FRAS1: variants seen among roughly 807,000 people sequenced by gnomAD.
The protein encoded by FRAS1 is extracellular matrix organizing protein FRAS1.
A neutral mutation model predicts 435.2 loss-of-function variants in FRAS1; 290 were observed. The observed-to-expected ratio is 0.67, with a 90% CI of 0.61 to 0.73. The LOEUF is 0.73. Among genes scored for constraint, FRAS1 ranks in the 30% least tolerant of loss-of-function variants. The pLI is 0.00. For missense variants in FRAS1, 4,860 were observed against 5,001.5 expected, an observed-to-expected ratio of 0.97 and a Z score of 0.85; for synonymous variants, 1,800 against 1,851.0, an observed-to-expected ratio of 0.97 and a Z score of 0.71.
At chr4:78,271,424 A>G (rs1227112508) in intron 9 of FRAS1, among the ~76,000 whole-genome samples, 1 of 152,170 alleles carries the variant, frequency 6.6e-6, no homozygotes, top group Non-Finnish European at 1.5e-5. Flanking sequence ...TTAACTCGTC[A>G]TTTAGCATTA....
At chr4:78,287,888 A>G (rs1049328161) in intron 14 of FRAS1, among the ~76,000 whole-genome samples, 9 of 152,166 alleles carry the variant, frequency 5.9e-5, no homozygotes, top group African/African-American at 1.9e-4. Context: ...GTGATCAGCC[A>G]TGTTATAGAA....
intron 40 of FRAS1, among the ~76,000 whole-genome samples, chr4:78,439,466 T>C (rs1734567207): frequency 6.6e-6 from 1 of 152,202 alleles, no homozygotes. Flanking sequence ...TATTGACGGT[T>C]CCTTTGTGGG....
intron 14 of FRAS1, among the ~76,000 whole-genome samples, chr4:78,304,784 C>G (rs575173475): frequency 5.3e-4 from 80 of 151,792 alleles, no homozygotes; most frequent in Non-Finnish European, 1.0e-3. Context: ...AGTGGTCTAT[C>G]AATTTTGTTG....
intron 70 of FRAS1, among the ~76,000 whole-genome samples, chr4:78,530,863 T>A (rs1452857442): frequency 6.6e-6 from 1 of 152,206 alleles, no homozygotes; most frequent in Non-Finnish European, 1.5e-5. Flanking sequence ...TAGTTTTTTC[T>A]AATTCTGTGA....
chr4:78,242,560 C>G (rs1298441236), intron 3 of FRAS1, among the ~76,000 whole-genome samples: 1 of 152,214 alleles, frequency 6.6e-6, no homozygotes, highest in African/African-American at 2.4e-5. Context: ...CTCAGCCTCC[C>G]AAGTAGCTGG....
At chr4:78,537,608 T>C (rs56874454) in intron 72 of FRAS1, among the ~76,000 whole-genome samples, 23,478 of 152,180 alleles carry the variant, frequency 0.15, 2,040 homozygotes, top group Non-Finnish European at 0.21. Flanking sequence ...CACATTGTAA[T>C]GAATCTTTAA....
intron 19 of FRAS1, among the ~76,000 whole-genome samples, chr4:78,333,625 C>A (rs894302049): frequency 6.6e-6 from 1 of 152,220 alleles, no homozygotes; most frequent in Non-Finnish European, 1.5e-5. Flanking sequence ...ACATTAGAAT[C>A]AGCTTTACCC....
intron 66 of FRAS1, among the ~76,000 whole-genome samples, chr4:78,517,894 C>G (rs1721258575): frequency 6.6e-6 from 1 of 152,000 alleles, no homozygotes. Context: ...TTAGCAAAAC[C>G]TGTGTATAAG....
intron 4 of FRAS1, among the ~76,000 whole-genome samples, chr4:78,247,284 G>C (rs1156490916): frequency 6.6e-6 from 1 of 152,130 alleles, no homozygotes; most frequent in Non-Finnish European, 1.5e-5. Flanking sequence ...ATATACCCAT[G>C]TGTTGCTTTT....
chr4:78,174,678 G>A (rs1184043821), intron 2 of FRAS1, among the ~76,000 whole-genome samples: 1 of 152,148 alleles, frequency 6.6e-6, no homozygotes, highest in Non-Finnish European at 1.5e-5. Flanking sequence ...AAAGTCACCT[G>A]GAATATAATT....
At chr4:78,338,582 A>G (rs1169864841) in intron 20 of FRAS1, among the ~76,000 whole-genome samples, 2 of 152,216 alleles carry the variant, frequency 1.3e-5, no homozygotes, top group Non-Finnish European at 2.9e-5. Context: ...CTCCTTTATT[A>G]GCTGTTGCCT....
chr4:78,477,759 G>A (rs1719893624), intron 54 of FRAS1, 56 bp from the exon 55 acceptor site: 1 of 1,568,172 alleles, frequency 6.4e-7, no homozygotes, highest in Non-Finnish European at 8.7e-7. Flanking sequence ...CCCTGGGGAA[G>A]CAGAGCAGGG....
intron 18 of FRAS1, among the ~76,000 whole-genome samples, chr4:78,323,235 AT>A (rs1403931672): frequency 2.0e-5 from 3 of 152,242 alleles, no homozygotes; most frequent in African/African-American, 7.2e-5. Context: ...TTTGTTGCTA[AT>A]TGTAAAAGAT....
rs766338377 is a variant in FRAS1, at chr4:78,488,961, C to G, written c.8839C>G (p.Leu2947Val). 1.2e-6 allele frequency: 2 copies of G among 1,613,530 alleles called. No individual in the cohort carries two copies. Among genetic ancestry groups the G allele is most frequent in the Admixed American group, 1.7e-5 (1 of 59,928 alleles). The change falls in exon 59 of 74, where the codon CTG becomes GTG. Residue 2947 changes from leucine to valine, a missense_variant. Physicochemically the swap from Leu to Val is conservative, Grantham distance 32. Coordinates refer to ENST00000512123, the MANE Select transcript of FRAS1 (RefSeq NM_025074.7). ...TGTCCCTATCACTCGGAGCGGAGAC[C>G]TGAGCTATGAGTCATCAGTGAGGTG... Reference protein sequence around the residue: ...LHVPITRSGDLSYESSVRCYT... With the variant: ...LHVPITRSGDVSYESSVRCYT...
intron 60 of FRAS1, among the ~76,000 whole-genome samples, chr4:78,498,181 C>A (rs1720561700): frequency 6.6e-6 from 1 of 152,162 alleles, no homozygotes; most frequent in African/African-American, 2.4e-5. Flanking sequence ...AACAAACTTG[C>A]ACGTTCTGCA....
intron 15 of FRAS1, among the ~76,000 whole-genome samples, chr4:78,308,796 A>T (rs1389203570): frequency 6.6e-6 from 1 of 152,186 alleles, no homozygotes; most frequent in Non-Finnish European, 1.5e-5. Flanking sequence ...GAGGAAAAGC[A>T]TGGCTTTCGG....
intron 37 of FRAS1, 127 bp downstream of exon 37, chr4:78,430,544 T>G (rs1734174597): frequency 6.1e-6 from 6 of 977,568 alleles, no homozygotes. Context: ...AGCTATTTTG[T>G]GTGTAGTTTC....
chr4:78,158,986 T>C (rs1423374804), intron 2 of FRAS1, among the ~76,000 whole-genome samples: 1 of 152,172 alleles, frequency 6.6e-6, no homozygotes, highest in African/African-American at 2.4e-5. Flanking sequence ...TCATTGTCAA[T>C]TAGACAGTAG....
At chr4:78,190,275 T>C (rs58427733) in intron 2 of FRAS1, among the ~76,000 whole-genome samples, 55,051 of 151,944 alleles carry the variant, frequency 0.36, 10,263 homozygotes, top group African/African-American at 0.44. Context: ...CCCAAGCTTT[T>C]GCACTGTTTA....
Sources: allele counts gnomAD v4.1 joint callset (sites outside exome capture counted in the v4.1 genomes callset), GRCh38; gene constraint gnomAD v4.1.1; transcripts MANE v1.5; gene names NCBI Gene and HGNC (gene_info 2026-07-23, HGNC 2026-07-21).